TBCD: variants seen among roughly 807,000 people sequenced by gnomAD.
The protein encoded by TBCD is tubulin-specific chaperone D.
Under a neutral mutation model 169.3 loss-of-function variants are expected in TBCD, and 105 were observed. That is an observed-to-expected ratio of 0.62 (90% confidence interval 0.53 to 0.73). The LOEUF (loss-of-function observed/expected upper bound fraction) is 0.73. Ranked by LOEUF, TBCD falls within the 30% of genes least tolerant of loss-of-function variation. TBCD has a pLI of 0.00. For synonymous variants in TBCD, 700 were observed against 643.9 expected (o/e 1.09, Z -1.32); for missense variants, 1,444 against 1,600.1 (o/e 0.90, Z 1.66).
intron 13 of TBCD, among the ~76,000 whole-genome samples, chr17:82,841,372 C>T (rs1317387): frequency 0.42 from 63,145 of 150,740 alleles, 13,425 homozygotes; most frequent in East Asian, 0.54. Flanking sequence ...AGCTGGAGTG[C>T]AGTGGTGCGA....
chr17:82,761,764 G>A lies in TBCD; in HGVS notation c.236-2201G>A, dbSNP rs1400575787. ...GGAGTCTTGGTCTGTTGCCCAGGCTGGAGTGCGGTGGAGTGCAGTGGTGCG... is the reference window on the plus strand; with the variant it reads ...GGAGTCTTGGTCTGTTGCCCAGGCTAGAGTGCGGTGGAGTGCAGTGGTGCG... On this transcript the variant is annotated intron_variant, in intron 2 of 38. Transcript: ENST00000355528. Among the ~76,000 whole-genome samples, 7 of 151,268 alleles carry A rather than the reference G, an allele frequency of 4.6e-5. No individual in the cohort carries two copies. The East Asian group carries it at 1.4e-3, about 30-fold the overall frequency.
intron 13 of TBCD, among the ~76,000 whole-genome samples, chr17:82,860,931 C>T (rs969557509): frequency 5.1e-4 from 77 of 152,336 alleles, no homozygotes; most frequent in African/African-American, 1.7e-3. Context: ...GCATCCGGCC[C>T]TGGACACAGG....
chr17:82,907,168 C>T (rs2060308104), intron 20 of TBCD, among the ~76,000 whole-genome samples: 1 of 152,260 alleles, frequency 6.6e-6, no homozygotes, highest in Non-Finnish European at 1.5e-5. Context: ...CAGATTGAGC[C>T]AGTGAGGGGG....
chr17:82,881,829 T>C (rs1173425793), intron 14 of TBCD, among the ~76,000 whole-genome samples: 1 of 152,232 alleles, frequency 6.6e-6, no homozygotes, highest in Admixed American at 6.5e-5. Context: ...TCCTACCCTT[T>C]CCATCTATGA....
At chr17:82,906,698 C>G (rs1319619980) in intron 20 of TBCD, among the ~76,000 whole-genome samples, 1 of 152,234 alleles carries the variant, frequency 6.6e-6, no homozygotes, top group Non-Finnish European at 1.5e-5. Flanking sequence ...TTTTTAAGTT[C>G]ATGCCCTGTG....
In TBCD at chr17:82,835,158, T is replaced by C. The variant is rs2890157; in HGVS notation, c.1318+20224T>C. On this transcript the variant is annotated intron_variant, in intron 13 of 38. Transcript: ENST00000355528. This position sits in a 1 kb window ranked among gnomAD's most constrained non-coding sequence, Gnocchi z 4.5. The stretch of plus-strand genomic sequence containing the variant: ...GCAGATGTGCCCATTCTTGAGTCTG[T>C]GAGGTTTTATGTGTAGACATCAGGG... Among the ~76,000 whole-genome samples, 152,194 of 152,280 alleles carry C rather than the reference T, an allele frequency of 1. 76,055 individuals carry two copies. The highest frequency in any genetic ancestry group is 1 in the East Asian group (5,160 of 5,160).
intron 9 of TBCD, among the ~76,000 whole-genome samples, chr17:82,805,159 C>T (rs552365832): frequency 9.8e-5 from 15 of 152,356 alleles, no homozygotes; most frequent in Admixed American, 9.1e-4. Context: ...GCACGCCGAG[C>T]GCAGACTCTG....
intron 3 of TBCD, among the ~76,000 whole-genome samples, chr17:82,764,773 C>T (rs113777968): frequency 2.3e-5 from 3 of 131,670 alleles, no homozygotes; most frequent in African/African-American, 3.2e-5. Context: ...TTGCGGGTGT[C>T]TGTGCTCATA....
chr17:82,937,431 C>G, intron 35 of TBCD, 71 bp downstream of exon 35: 1 of 1,363,592 alleles, frequency 7.3e-7, no homozygotes, highest in African/African-American at 1.4e-5. Context: ...GGGCAGGAGT[C>G]CACGGCTCCA....
chr17:82,897,899 C>T (rs1212893907), intron 17 of TBCD, among the ~76,000 whole-genome samples: 1 of 151,544 alleles, frequency 6.6e-6, no homozygotes, highest in Non-Finnish European at 1.5e-5. Context: ...GCTCTGTTCT[C>T]CCCGGCTGGT....
chr17:82,926,302 G>C (rs2061757592), intron 27 of TBCD, 98 bp from the exon 28 acceptor site: 1 of 1,126,996 alleles, frequency 8.9e-7, no homozygotes, highest in Admixed American at 2.0e-5. Flanking sequence ...CTATCTCATG[G>C]TGTGGGGTCT....
At chr17:82,910,495 T>C (rs1034881353) in intron 22 of TBCD, among the ~76,000 whole-genome samples, 3 of 152,244 alleles carry the variant, frequency 2.0e-5, no homozygotes, top group Non-Finnish European at 2.9e-5. Flanking sequence ...ATATTCCAGA[T>C]GCCAGCTCTT....
chr17:82,923,473 T>C lies in TBCD; in HGVS notation c.2179-179T>C, dbSNP rs2061538704. Among the ~76,000 whole-genome samples the C allele has an allele frequency of 6.6e-6, 1 of 151,522 alleles. No homozygotes were observed. Among genetic ancestry groups the C allele is most frequent in the Admixed American group, 6.6e-5 (1 of 15,222 alleles). On this transcript the variant is annotated intron_variant, in intron 25 of 38. Transcript: ENST00000355528. The surrounding 1 kb of genome is among the most constrained non-coding windows in gnomAD (Gnocchi z 4.6). ...CCTGCTGTGTCCTTGGCCGGGTGCT[T>C]CTCCAACCTCAGGGCGACCCGCTGG...
intron 29 of TBCD, 51 bp from the exon 30 acceptor site, chr17:82,927,854 T>C: frequency 1.3e-6 from 2 of 1,549,862 alleles, no homozygotes; most frequent in South Asian, 2.2e-5. Context: ...AGAACCAGGG[T>C]TGGAACCCCC....
Position 82,930,537 on chromosome 17 carries a change from C to T in TBCD, c.3007C>T (p.Gln1003Ter), listed in dbSNP as rs368569864. 1 of 1,613,402 alleles carries T rather than the reference C, an allele frequency of 6.2e-7. No individual in the cohort carries two copies. Among genetic ancestry groups the T allele is most frequent in the Non-Finnish European group, 8.5e-7 (1 of 1,179,790 alleles). Residue 1003 changes from glutamine to a stop codon, truncating the protein, a stop_gained, in exon 33 of 39, where the codon CAG becomes TAG. Transcript: ENST00000355528. LOFTEE classifies it high-confidence loss of function. The surrounding 1 kb of genome is among the most constrained non-coding windows in gnomAD (Gnocchi z 5.2). ...LTESTIRHST[Q>*]SLFEYMKGIQ... ...CGTGTTGCAGATCCGGCACTCCACC[C>T]AGAGCCTCTTTGAGTACATGAAGGG...
Position 82,923,586 on chromosome 17 carries a change from C to T in TBCD, c.2179-66C>T. On this transcript the variant is annotated intron_variant, in intron 25 of 38. Coordinates refer to ENST00000355528, the MANE Select transcript of TBCD (RefSeq NM_005993.5). The surrounding 1 kb of genome is among the most constrained non-coding windows in gnomAD (Gnocchi z 4.6). ...TTCTCCGACTTCAGAGTGACCTGCT[C>T]TGTCCCTGGCCGGGGGCTTCTCCGA... 7.4e-7 allele frequency: 1 copy of T among 1,349,544 alleles called. No homozygotes were observed. Among genetic ancestry groups the T allele is most frequent in the Non-Finnish European group, 1.0e-6 (1 of 969,604 alleles). 83.6% of individuals were successfully genotyped at this position (1,349,544 alleles called of 1,614,324 possible).
chr17:82,880,335 CGCTGG>C lies in TBCD; in HGVS notation c.1476-3805_1476-3801del, dbSNP rs1166653827. Reference sequence around the variant, plus strand: ...GGTGTGTACCACTGTGTTCGGCACCCGCTGGGCTGCAGGAGTAATCCAGGGCCCTC... The same window carrying C: ...GGTGTGTACCACTGTGTTCGGCACCCGCTGCAGGAGTAATCCAGGGCCCTC... On this transcript the variant is annotated intron_variant, in intron 14 of 38. Coordinates refer to ENST00000355528, the MANE Select transcript of TBCD (RefSeq NM_005993.5). The surrounding 1 kb of genome is among the most constrained non-coding windows in gnomAD (Gnocchi z 5.0). 6.6e-6 allele frequency among the ~76,000 whole-genome samples: 1 copy of C among 152,216 alleles called. No homozygotes were observed. Among genetic ancestry groups the C allele is most frequent in the African/African-American group, 2.4e-5 (1 of 41,440 alleles).
intron 1 of TBCD, among the ~76,000 whole-genome samples, chr17:82,752,984 C>A (rs2047195687): frequency 6.6e-6 from 1 of 152,060 alleles, no homozygotes; most frequent in Non-Finnish European, 1.5e-5. Flanking sequence ...GGTGTAGGTA[C>A]CCCTGTGGAG....
intron 11 of TBCD, 59 bp from the exon 12 acceptor site, chr17:82,809,649 G>A (rs1004635229): frequency 7.1e-6 from 11 of 1,556,378 alleles, no homozygotes; most frequent in East Asian, 2.3e-5. Flanking sequence ...CACGTGTCAC[G>A]CATGCCCTTG....
Sources: allele counts gnomAD v4.1 joint callset (sites outside exome capture counted in the v4.1 genomes callset), GRCh38; gene constraint gnomAD v4.1.1; non-coding constraint Gnocchi (gnomAD v3.1); transcripts MANE v1.5; gene names NCBI Gene and HGNC (gene_info 2026-07-23, HGNC 2026-07-21).